The following PDE8B variants were observed in gnomAD, a reference collection of about 807,000 sequenced individuals.
The protein encoded by PDE8B is high affinity cAMP-specific and IBMX-insensitive 3',5'-cyclic phosphodiesterase 8B.
In PDE8B, 26 loss-of-function variants were observed where a neutral mutation model predicts 101.3. The ratio of observed to expected loss-of-function variants is 0.26; its 90% confidence interval spans 0.19 to 0.36. The LOEUF (loss-of-function observed/expected upper bound fraction) is 0.36, where lower values mean the gene tolerates loss of function less well. Among genes scored for constraint, PDE8B ranks in the 10% least tolerant of loss-of-function variants. The pLI is 1.00. For missense variants in PDE8B, 810 were observed against 1,163.1 expected (o/e 0.70, Z 4.42); for synonymous variants, 424 against 429.3 (o/e 0.99, Z 0.15).
intron 1 of PDE8B, among the ~76,000 whole-genome samples, chr5:77,310,962 A>T (rs920685965): frequency 1.3e-5 from 2 of 152,184 alleles, no homozygotes; most frequent in Non-Finnish European, 2.9e-5. Context: ...ATGTAAAGAA[A>T]GTTTGCTTTT....
At chr5:77,125,138 A>G in the PDE8B span, among the ~76,000 whole-genome samples, 1 of 152,140 alleles carries the variant, frequency 6.6e-6, no homozygotes. Flanking sequence ...GACTACAGGC[A>G]TGCACCGCCA....
chr5:77,211,041 C>T lies in PDE8B; in HGVS notation c.116C>T (p.Pro39Leu). The T allele has an allele frequency of 2.0e-6, 3 of 1,535,926 alleles. No individual in the cohort carries two copies. The highest frequency in any genetic ancestry group is 1.7e-6 in the Non-Finnish European group (2 of 1,151,488). ...TTSVSQGPAAPLPGLFVQTDA... is the reference protein window; with the variant it reads ...TTSVSQGPAALLPGLFVQTDA... ...AGCGTGTCGCAGGGCCCGGCGGCAC[C>T]CCTGCCCGGCCTCTTCGTCCAGACC... Residue 39 changes from proline to leucine, a missense_variant, in exon 1 of 22, where the codon CCC becomes CTC. Physicochemically the swap from Pro to Leu is moderately conservative, Grantham distance 98. Around this residue, in one of 4 missense-constraint regions of PDE8B, gnomAD observed 159 missense variants for 146.6 expected, o/e 1.08. Coordinates refer to ENST00000264917, the MANE Select transcript of PDE8B (RefSeq NM_003719.5). This position sits in a 1 kb window ranked among gnomAD's most constrained non-coding sequence, Gnocchi z 4.1.
At chr5:77,249,753 T>TGAAGAATGCCACTTAA (rs1757685812) in intron 1 of PDE8B, among the ~76,000 whole-genome samples, 1 of 152,222 alleles carries the variant, frequency 6.6e-6, no homozygotes, top group Admixed American at 6.5e-5. Flanking sequence ...CTTGTTTACC[T>TGAAGAATGCCACTTAA]GAAGCATGCC....
At chr5:77,121,420 A>G in the PDE8B span, among the ~76,000 whole-genome samples, 1 of 152,060 alleles carries the variant, frequency 6.6e-6, no homozygotes, top group Non-Finnish European at 1.5e-5. Flanking sequence ...GGTTTTGGAA[A>G]TCACCCGCTG....
chr5:77,195,364 G>C, the PDE8B span, among the ~76,000 whole-genome samples: 1 of 152,194 alleles, frequency 6.6e-6, no homozygotes, highest in African/African-American at 2.4e-5. Context: ...ATGAATTTTG[G>C]GGGGATGCGT....
chr5:77,368,234 AC>A (rs988748919), intron 10 of PDE8B, among the ~76,000 whole-genome samples: 108 of 151,970 alleles, frequency 7.1e-4, no homozygotes, highest in Middle Eastern at 3.4e-3. Context: ...TCCATCCTGC[AC>A]CCCCTTCCAG....
chr5:77,112,836 A>G, the PDE8B span: 6 of 152,202 alleles, frequency 3.9e-5, no homozygotes, highest in African/African-American at 1.2e-4. Flanking sequence ...ATACAAAATC[A>G]ATATGCAAAA....
intron 5 of PDE8B, among the ~76,000 whole-genome samples, chr5:77,334,064 T>A (rs927771750): frequency 3.3e-5 from 5 of 152,256 alleles, no homozygotes; most frequent in African/African-American, 1.2e-4. Flanking sequence ...CAGCTGAGAC[T>A]GATCTTCATG....
chr5:77,142,268 A>C, the PDE8B span: 1 of 152,140 alleles, frequency 6.6e-6, no homozygotes, highest in Non-Finnish European at 1.5e-5. Context: ...AATGCCAATT[A>C]GTCTTTTTGC....
At chr5:77,408,590 C>T (rs1581541540) in intron 13 of PDE8B, among the ~76,000 whole-genome samples, 2 of 151,982 alleles carry the variant, frequency 1.3e-5, no homozygotes, top group East Asian at 1.9e-4. Context: ...TTTCTGGAAG[C>T]GAGAGAGTGA....
the PDE8B span, among the ~76,000 whole-genome samples, chr5:77,095,842 G>A: frequency 1.8e-4 from 28 of 152,190 alleles, no homozygotes; most frequent in Admixed American, 1.4e-3. Flanking sequence ...TGCTTTAGCC[G>A]ACTTCATATT....
chr5:77,279,123 G>T (rs2149832387), intron 1 of PDE8B, among the ~76,000 whole-genome samples: 1 of 152,296 alleles, frequency 6.6e-6, no homozygotes, highest in Non-Finnish European at 1.5e-5. Flanking sequence ...GTGTTCTAAT[G>T]AGTGTGTATA....
chr5:77,244,521 A>C (rs1192329817), intron 1 of PDE8B, among the ~76,000 whole-genome samples: 1 of 152,104 alleles, frequency 6.6e-6, no homozygotes, highest in Non-Finnish European at 1.5e-5. Flanking sequence ...ACAGAAATAC[A>C]TCTGTTGGGA....
intron 1 of PDE8B, among the ~76,000 whole-genome samples, chr5:77,236,112 A>G (rs186833194): frequency 1.3e-5 from 2 of 152,324 alleles, no homozygotes; most frequent in African/African-American, 4.8e-5. Flanking sequence ...GAAGGAAGCA[A>G]GGGAGTGAGC....
At chr5:77,246,146 C>T (rs1280232517) in intron 1 of PDE8B, among the ~76,000 whole-genome samples, 2 of 152,084 alleles carry the variant, frequency 1.3e-5, no homozygotes, top group Non-Finnish European at 1.5e-5. Flanking sequence ...GCCATCATGC[C>T]CTGCCCTATT....
At chr5:77,410,476 C>T (rs1246265211) in intron 14 of PDE8B, 1 of 152,272 alleles carries the variant, frequency 6.6e-6, no homozygotes, top group Non-Finnish European at 1.5e-5. Flanking sequence ...CCTGTTCTAC[C>T]TAGTCCTCAA....
At chr5:77,107,268 G>A in the PDE8B span, among the ~76,000 whole-genome samples, 1,662 of 152,172 alleles carry the variant, frequency 0.011, 39 homozygotes, top group African/African-American at 0.037. Context: ...TCCTTGGTGT[G>A]TATGTGCCAC....
intron 10 of PDE8B, among the ~76,000 whole-genome samples, chr5:77,373,653 T>C (rs1200802613): frequency 3.3e-5 from 5 of 152,236 alleles, no homozygotes; most frequent in Non-Finnish European, 7.3e-5. Context: ...TCACCCATGC[T>C]GTTGCATTTA....
chr5:77,232,415 G>A (rs1433197434), intron 1 of PDE8B, among the ~76,000 whole-genome samples: 1 of 152,232 alleles, frequency 6.6e-6, no homozygotes, highest in Non-Finnish European at 1.5e-5. Context: ...TAGGGGCATA[G>A]ATATTTGTGA....
Sources: allele counts gnomAD v4.1 joint callset (sites outside exome capture counted in the v4.1 genomes callset), GRCh38; gene constraint gnomAD v4.1.1; regional missense constraint gnomAD v4.1.1; non-coding constraint Gnocchi (gnomAD v3.1); transcripts MANE v1.5; gene names NCBI Gene and HGNC (gene_info 2026-07-23, HGNC 2026-07-21).